Variants in CHST15 observed in about 807,000 individuals in gnomAD.
CHST15 encodes the protein B cell RAG associated protein (GALNAC4S-6ST).
CHST15 carries 30 observed loss-of-function variants against 53.6 expected under a neutral mutation model. The ratio of observed to expected loss-of-function variants is 0.56; its 90% CI spans 0.42 to 0.76. The LOEUF is 0.76. CHST15 is among the 30% of genes least tolerant of loss of function. The pLI, the probability that CHST15 is intolerant of heterozygous loss-of-function variation, is 0.00. For synonymous variants in CHST15, 296 were observed against 289.8 expected (o/e 1.02, Z -0.22); for missense variants, 627 against 740.5 (o/e 0.85, Z 1.78).
chr10:124,016,118 C>T (rs893867339), intron 6 of CHST15, among the ~76,000 whole-genome samples: 1 of 152,132 alleles, frequency 6.6e-6, no homozygotes, highest in African/African-American at 2.4e-5. Context: ...TGCTCTGAGG[C>T]AGGCTCACTG....
intron 1 of CHST15, among the ~76,000 whole-genome samples, chr10:124,055,985 A>G (rs923206573): frequency 9.8e-5 from 15 of 152,342 alleles, no homozygotes; most frequent in African/African-American, 3.6e-4. Context: ...GCTTGCCAGT[A>G]CAAACCTGCG....
chr10:124,029,591 C>T (rs1348902086), intron 5 of CHST15, among the ~76,000 whole-genome samples: 1 of 152,178 alleles, frequency 6.6e-6, no homozygotes, highest in African/African-American at 2.4e-5. Context: ...CTGACATCTC[C>T]GAGCCTGGCG....
chr10:124,064,518 G>A (rs1368584654), intron 1 of CHST15, among the ~76,000 whole-genome samples: 1 of 152,104 alleles, frequency 6.6e-6, no homozygotes, highest in Non-Finnish European at 1.5e-5. Context: ...CTTGCGGCCC[G>A]GGAGACACCA....
chr10:124,071,352 C>T (rs1948906354), intron 1 of CHST15, among the ~76,000 whole-genome samples: 1 of 152,212 alleles, frequency 6.6e-6, no homozygotes, highest in African/African-American at 2.4e-5. Flanking sequence ...GCCAGGTGTG[C>T]CATCAGCCTG....
chr10:124,035,092 A>ACCCCTAACAGGGACCCCGGCTCCGC (rs1458706123), intron 5 of CHST15, among the ~76,000 whole-genome samples: 8,350 of 87,896 alleles, frequency 0.095, 1,432 homozygotes, highest in East Asian at 0.33. Context: ...CGCCGGCTCC[A>ACCCCTAACAGGGACCCCGGCTCCGC]CCCCTAACAG....
Position 124,008,086 on chromosome 10 carries a change from T to C in CHST15, c.*2063A>G. The C allele has an allele frequency of 1.6e-6, 2 of 1,231,954 alleles. No individual in the cohort carries two copies. The highest frequency in any genetic ancestry group is 2.0e-6 in the Non-Finnish European group (2 of 987,928). 76.3% of individuals were successfully genotyped at this position (1,231,954 alleles called of 1,614,324 possible). On this transcript the variant is annotated 3_prime_UTR_variant, in exon 8 of 8. Transcript: ENST00000435907. ...AAAAAGATCCGCATAATAAACCAAA[T>C]AATATTGGAAATAATACCTTCAGTA...
chr10:124,012,970 G>C (rs1439765210), intron 6 of CHST15, among the ~76,000 whole-genome samples: 3 of 152,198 alleles, frequency 2.0e-5, no homozygotes, highest in Non-Finnish European at 2.9e-5. Flanking sequence ...GTGTAATTCA[G>C]CATCTAATCA....
chr10:124,066,813 C>T (rs1181573795), intron 1 of CHST15, among the ~76,000 whole-genome samples: 3 of 152,264 alleles, frequency 2.0e-5, no homozygotes, highest in South Asian at 2.1e-4. Context: ...CAGCTCATTT[C>T]CTGGGCTGCG....
At chr10:124,033,463 C>G (rs558151792) in intron 5 of CHST15, among the ~76,000 whole-genome samples, 1 of 152,172 alleles carries the variant, frequency 6.6e-6, no homozygotes, top group Non-Finnish European at 1.5e-5. Context: ...CTCAGTGATC[C>G]CCGGTTCTTG....
intron 1 of CHST15, among the ~76,000 whole-genome samples, chr10:124,056,904 C>G (rs1474605937): frequency 2.0e-5 from 3 of 151,300 alleles, no homozygotes; most frequent in Non-Finnish European, 4.4e-5. Flanking sequence ...TACGACCGGA[C>G]ACATTGCAGC....
intron 5 of CHST15, 106 bp from the exon 6 acceptor site, chr10:124,021,518 T>G: frequency 6.7e-7 from 1 of 1,503,336 alleles, no homozygotes; most frequent in South Asian, 1.3e-5. Flanking sequence ...GTTTTCCTGA[T>G]TGAAGCACAA....
At chr10:124,061,008 G>A (rs4929797) in intron 1 of CHST15, among the ~76,000 whole-genome samples, 21,414 of 152,134 alleles carry the variant, frequency 0.14, 3,499 homozygotes, top group African/African-American at 0.37. Context: ...TTTAGACAAC[G>A]CTAAAGGTAG....
chr10:124,020,263 A>G (rs907197953), intron 6 of CHST15: 31 of 985,554 alleles, frequency 3.1e-5, no homozygotes, highest in Non-Finnish European at 3.7e-5. Flanking sequence ...GGCTGAGACA[A>G]CTGCCTAGAG....
In CHST15 at chr10:124,051,488, T is replaced by C. The variant is rs145671326; in HGVS notation, c.-512-4764A>G. 3.7e-4 allele frequency among the ~76,000 whole-genome samples: 57 copies of C among 152,296 alleles called. No individual in the cohort carries two copies. In the East Asian group the frequency reaches 0.01, roughly 28 times the overall value. ...TGGTTCTTCCTTCAGAAAGGAGTCA[T>C]GTATGCCCCCTGCACTTCACCTGTC... On this transcript the variant is annotated intron_variant, in intron 1 of 7. Coordinates refer to ENST00000435907, the MANE Select transcript of CHST15 (RefSeq NM_001270764.2).
At chr10:124,078,167 A>G (rs1949132992) in intron 1 of CHST15, among the ~76,000 whole-genome samples, 1 of 152,202 alleles carries the variant, frequency 6.6e-6, no homozygotes, top group Non-Finnish European at 1.5e-5. Flanking sequence ...AGAGACTCAG[A>G]GAAGTCAGGA....
chr10:124,012,484 G>C lies in CHST15; in HGVS notation c.1348-4C>G. The C allele has an allele frequency of 6.2e-7, 1 of 1,609,098 alleles. No individual in the cohort carries two copies. Among genetic ancestry groups the C allele is most frequent in the East Asian group, 2.2e-5 (1 of 44,730 alleles). ...AGAGCCCAACCTGGAGCCTCACCTAGGACCACAGAAGAAGGGCATTATTTC... is the reference window on the plus strand; with the variant it reads ...AGAGCCCAACCTGGAGCCTCACCTACGACCACAGAAGAAGGGCATTATTTC... On this transcript the variant is annotated splice_region_variant and splice_polypyrimidine_tract_variant and intron_variant, in intron 6 of 7. Transcript: ENST00000435907.
intron 5 of CHST15, among the ~76,000 whole-genome samples, chr10:124,029,848 AG>A (rs1347897702): frequency 6.6e-6 from 1 of 152,194 alleles, no homozygotes; most frequent in African/African-American, 2.4e-5. Context: ...ACTCCGGGTG[AG>A]ACAGGTCCCT....
intron 5 of CHST15, among the ~76,000 whole-genome samples, chr10:124,023,543 C>A (rs983905952): frequency 4.0e-5 from 6 of 151,844 alleles, no homozygotes; most frequent in African/African-American, 1.5e-4. Flanking sequence ...TGTGAGTTTC[C>A]TACTCTTTTT....
At chr10:124,044,970 G>T in intron 2 of CHST15, 51 bp from the exon 3 acceptor site, 1 of 1,304,708 alleles carries the variant, frequency 7.7e-7, no homozygotes. Flanking sequence ...AATGAGCAAA[G>T]ACACAATCTA....
Sources: gnomAD v4.1 joint callset for allele counts (sites outside exome capture counted in the v4.1 genomes callset) on GRCh38, gnomAD v4.1.1 for gene constraint, MANE v1.5 for transcripts, NCBI Gene and HGNC (gene_info 2026-07-23, HGNC 2026-07-21) for gene names.